The following SFRP2 variants were observed in gnomAD, a reference collection of about 807,000 sequenced individuals.
SFRP2 encodes secreted frizzled related protein 2.
Under a neutral mutation model 26.0 loss-of-function variants are expected in SFRP2, and 16 were observed. The observed-to-expected ratio is 0.61, with a 90% confidence interval of 0.42 to 0.93. The LOEUF is 0.93. Among genes scored for constraint, SFRP2 ranks in the 40% least tolerant of loss-of-function variants. The probability of loss-of-function intolerance (pLI) is 0.00; values close to 1 mark genes in which losing one functional copy is unlikely to be tolerated. For missense variants in SFRP2, 343 were observed against 392.4 expected, an observed-to-expected ratio of 0.87 and a Z score of 1.06; for synonymous variants, 173 against 167.3, an observed-to-expected ratio of 1.03 and a Z score of -0.26.
intron 1 of SFRP2, among the ~76,000 whole-genome samples, chr4:153,787,529 G>T (rs886640214): frequency 7.2e-5 from 11 of 152,160 alleles, no homozygotes; most frequent in African/African-American, 2.4e-4. Context: ...AATATTGAGA[G>T]CCCATGAGGT....
chr4:153,785,576 G>A (rs3039554), intron 2 of SFRP2, among the ~76,000 whole-genome samples: 64,874 of 101,586 alleles, frequency 0.64, 16,961 homozygotes, highest in Admixed American at 0.67. Flanking sequence ...AAAAAAAAAA[G>A]GGATTTAAAA....
In SFRP2 at chr4:153,788,768, C is replaced by T; in HGVS notation, c.68G>A (p.Arg23His). Residue 23 changes from arginine to histidine, a missense_variant, in exon 1 of 3, where the codon CGC (arginine) becomes CAC (histidine). This residue lies in a region of SFRP2 where 251 missense variants were observed against 253.3 expected (regional missense o/e 0.99). Transcript: ENST00000274063. ...GGGCTGGCCAAAGAGGAAGAGCCCG[C>T]GCGCCGAGCCCAGGCAGCAGTGCGA... is the stretch of plus-strand genomic sequence containing the variant. Reference protein sequence around the residue: ...LASHCCLGSARGLFLFGQPDF... With the variant: ...LASHCCLGSAHGLFLFGQPDF... 1.9e-6 allele frequency: 3 copies of T among 1,611,136 alleles called. No homozygotes were observed. Among genetic ancestry groups the T allele is most frequent in the South Asian group, 1.1e-5 (1 of 91,064 alleles).
intron 2 of SFRP2, among the ~76,000 whole-genome samples, chr4:153,784,621 G>T (rs191816899): frequency 6.6e-6 from 1 of 152,296 alleles, no homozygotes; most frequent in Non-Finnish European, 1.5e-5. Context: ...GAGTTTTAGG[G>T]ACCTGACCAG....
intron 2 of SFRP2, 143 bp downstream of exon 2, chr4:153,785,720 GT>G (rs1353742265): frequency 8.7e-6 from 5 of 577,130 alleles, no homozygotes; most frequent in African/African-American, 3.8e-5. Context: ...GATAGATCAA[GT>G]TAGATGATTT....
At chr4:153,783,312 A>T (rs1273682129) in intron 2 of SFRP2, among the ~76,000 whole-genome samples, 1 of 152,226 alleles carries the variant, frequency 6.6e-6, no homozygotes, top group East Asian at 1.9e-4. Context: ...GGTAGGGCAT[A>T]TATAAGATTT....
At chr4:153,785,384 AAC>A in intron 2 of SFRP2, among the ~76,000 whole-genome samples, 1 of 152,204 alleles carries the variant, frequency 6.6e-6, no homozygotes, top group South Asian at 2.1e-4. Flanking sequence ...CTAATGGTAG[AAC>A]ACAGAGGTTT....
rs1423038599 is a variant in SFRP2, at chr4:153,781,356, A to G, written c.*95T>C. 1.2e-5 allele frequency: 14 copies of G among 1,139,882 alleles called. No individual in the cohort carries two copies. Among genetic ancestry groups the G allele is most frequent in the Non-Finnish European group, 1.8e-5 (14 of 784,084 alleles). 70.6% of individuals were successfully genotyped at this position (1,139,882 alleles called of 1,614,324 possible). The stretch of plus-strand genomic sequence containing the variant: ...TGCCCAGGCTGAGACTGGAGCAGCT[A>G]GGAGTGTGCTTGGGGAACGGGAGCT... On this transcript the variant is annotated 3_prime_UTR_variant, in exon 3 of 3. Coordinates refer to ENST00000274063, the MANE Select transcript of SFRP2 (RefSeq NM_003013.3).
At chr4:153,785,428 A>G (rs1008296605) in intron 2 of SFRP2, among the ~76,000 whole-genome samples, 5 of 152,010 alleles carry the variant, frequency 3.3e-5, no homozygotes, top group Admixed American at 2.6e-4. Context: ...GAAAGTAAAA[A>G]TATTTTTATT....
chr4:153,785,953 G>A lies in SFRP2; in HGVS notation c.503-9C>T, dbSNP rs1222637739. The A allele has an allele frequency of 6.4e-7, 1 of 1,568,886 alleles. No individual in the cohort carries two copies. The highest frequency in any genetic ancestry group is 1.4e-5 in the African/African-American group (1 of 73,034). The stretch of plus-strand genomic sequence containing the variant: ...TTCACATACCTTTGGAGCTAGAAAT[G>A]TGAAAAACAGTCTTTAGTAAGTTTG... On this transcript the variant is annotated splice_polypyrimidine_tract_variant and intron_variant, in intron 1 of 2. Transcript: ENST00000274063.
Position 153,788,769 on chromosome 4 carries a change from G to C in SFRP2, c.67C>G (p.Arg23Gly). Reference protein sequence around the residue: ...LASHCCLGSARGLFLFGQPDF... With the variant: ...LASHCCLGSAGGLFLFGQPDF... ...GGCTGGCCAAAGAGGAAGAGCCCGC[G>C]CGCCGAGCCCAGGCAGCAGTGCGAG... Residue 23 changes from arginine to glycine, a missense_variant, in exon 1 of 3, where the codon CGC becomes GGC. By Grantham distance (125) the Arg-to-Gly change is moderately radical (BLOSUM62 -2). Around this residue, in one of 2 missense-constraint regions of SFRP2, gnomAD observed 251 missense variants for 253.3 expected, o/e 0.99. Coordinates refer to ENST00000274063, the MANE Select transcript of SFRP2 (RefSeq NM_003013.3). The C allele has an allele frequency of 6.2e-7, 1 of 1,611,160 alleles. No individual in the cohort carries two copies. Among genetic ancestry groups the C allele is most frequent in the Non-Finnish European group, 8.5e-7 (1 of 1,179,958 alleles).
rs964636230 is a variant in SFRP2, at chr4:153,788,999, G to A, written c.-164C>T. 5.0e-6 allele frequency: 4 copies of A among 805,722 alleles called. No individual in the cohort carries two copies. In the African/African-American group the frequency reaches 7.4e-5, roughly 15 times the overall value. The allele number at this position is 805,722 out of a possible 1,614,324, so 49.9% of individuals were successfully genotyped here. A position where few individuals can be genotyped will look rare whatever the true frequency, so the allele number is the denominator to read the frequency against. On this transcript the variant is annotated 5_prime_UTR_variant, in exon 1 of 3. Transcript: ENST00000274063. The stretch of plus-strand genomic sequence containing the variant: ...GGCGCGGAGAAGCGGGACACCGGGA[G>A]GACAGCGCGGGCGAGGCGCTGCAAG...
At position 153,781,722 on chromosome 4, in the gene SFRP2, A is replaced by G. The variant is rs1741124667; in HGVS notation, c.617T>C (p.Ile206Thr). 2 of 1,613,968 alleles carry G rather than the reference A, an allele frequency of 1.2e-6. No individual in the cohort carries two copies. The highest frequency in any genetic ancestry group is 1.6e-4 in the Middle Eastern group (1 of 6,062). The change falls in exon 3 of 3, where the codon ATC (isoleucine) becomes ACC (threonine). Residue 206 changes from isoleucine to threonine, a missense_variant. Physicochemically the swap from Ile to Thr is moderately conservative, Grantham distance 89. Transcript: ENST00000274063. Reference protein sequence around the residue: ...LKIKVKEITYINRDTKIILET... With the variant: ...LKIKVKEITYTNRDTKIILET... ...CAGGATGATTTTGGTATCTCGGTTGATGTAGGTTATCTCCTTCACTTTTAT... is the reference window on the plus strand; with the variant it reads ...CAGGATGATTTTGGTATCTCGGTTGGTGTAGGTTATCTCCTTCACTTTTAT...
At chr4:153,784,132 T>C (rs1184693852) in intron 2 of SFRP2, among the ~76,000 whole-genome samples, 2 of 152,210 alleles carry the variant, frequency 1.3e-5, no homozygotes, top group African/African-American at 4.8e-5. Flanking sequence ...AGCTCCACAG[T>C]GTAACAATCA....
At chr4:153,781,900 C>T in intron 2 of SFRP2, 145 bp from the exon 3 acceptor site, 2 of 708,236 alleles carry the variant, frequency 2.8e-6, no homozygotes, top group East Asian at 2.6e-5. Context: ...GGCTGCAGAT[C>T]GGGGGTTGGG....
intron 2 of SFRP2, 102 bp from the exon 3 acceptor site, chr4:153,781,857 G>A: frequency 9.4e-7 from 1 of 1,058,256 alleles, no homozygotes; most frequent in Non-Finnish European, 1.4e-6. Flanking sequence ...GATGAGGAAA[G>A]AGAGGCTTCC....
rs1216124812 is a variant in SFRP2 at position 153,781,143 on chromosome 4, C to T, written c.*308G>A. On this transcript the variant is annotated 3_prime_UTR_variant, in exon 3 of 3. Transcript: ENST00000274063. ...CAACCAGACCCAAGTCACAGTTGCA[C>T]CTATTCAAAACTAGCTTTAAAGTGA... The T allele has an allele frequency of 6.1e-6, 2 of 329,502 alleles. No homozygotes were observed. Among genetic ancestry groups the T allele is most frequent in the South Asian group, 1.1e-4 (2 of 18,546 alleles). 20.4% of individuals were successfully genotyped at this position (329,502 alleles called of 1,614,324 possible). A position where few individuals can be genotyped will look rare whatever the true frequency, so the allele number is the denominator to read the frequency against.
In SFRP2 at chr4:153,788,724, T is replaced by C; in HGVS notation, c.112A>G (p.Ser38Gly). ...TTGGCAGGGATGGGCTTGCAATTGC[T>C]GCGCTTGTAGGAGAAGTCGGGCTGG... is the stretch of plus-strand genomic sequence containing the variant. ...FGQPDFSYKR[S>G]NCKPIPANLQ... is the part of the protein sequence containing the mutation. The change falls in exon 1 of 3, where the codon AGC becomes GGC. Residue 38 changes from serine (S) to glycine (G), a missense_variant. By Grantham distance (56) the Ser-to-Gly change is moderately conservative. Coordinates refer to ENST00000274063, the MANE Select transcript of SFRP2 (RefSeq NM_003013.3). 7 of 1,613,822 alleles carry C rather than the reference T, an allele frequency of 4.3e-6. No homozygotes were observed. The highest frequency in any genetic ancestry group is 5.1e-6 in the Non-Finnish European group (6 of 1,180,038).
At chr4:153,782,536 A>G (rs764553739) in intron 2 of SFRP2, among the ~76,000 whole-genome samples, 28 of 152,246 alleles carry the variant, frequency 1.8e-4, no homozygotes, top group Non-Finnish European at 4.4e-5. Context: ...CATGAACAGT[A>G]TGCTCTGGGA....
chr4:153,788,548 G>A lies in SFRP2; in HGVS notation c.288C>T (p.Cys96=). The part of the protein sequence containing the change: ...QCHPDTKKFL[C]SLFAPVCLDD... Reference sequence around the variant, plus strand: ...CGAGGCAGACGGGGGCGAAGAGCGAGCACAGGAACTTCTTGGTGTCCGGGT... The same window carrying A: ...CGAGGCAGACGGGGGCGAAGAGCGAACACAGGAACTTCTTGGTGTCCGGGT... Residue 96 remains cysteine (C), a synonymous_variant, in exon 1 of 3, where the codon TGC becomes TGT. Transcript: ENST00000274063. The A allele has an allele frequency of 6.2e-7, 1 of 1,614,204 alleles. No individual in the cohort carries two copies. The highest frequency in any genetic ancestry group is 8.5e-7 in the Non-Finnish European group (1 of 1,180,034).
Sources: allele counts gnomAD v4.1 joint callset (sites outside exome capture counted in the v4.1 genomes callset), GRCh38; gene constraint gnomAD v4.1.1; regional missense constraint gnomAD v4.1.1; transcripts MANE v1.5; gene names NCBI Gene and HGNC (gene_info 2026-07-23, HGNC 2026-07-21).